The following VPS8 variants were observed in gnomAD, a reference collection of about 807,000 sequenced individuals.
The protein encoded by VPS8 is vacuolar protein sorting-associated protein 8 homolog.
In VPS8, 129 loss-of-function variants were observed where a neutral mutation model predicts 216.4. The ratio of observed to expected loss-of-function variants is 0.60; its 90% CI spans 0.52 to 0.69. The LOEUF is 0.69. Among genes scored for constraint, VPS8 ranks in the 30% least tolerant of loss-of-function variants. The probability of loss-of-function intolerance (pLI) is 0.00; values close to 1 mark genes in which losing one functional copy is unlikely to be tolerated. For synonymous variants in VPS8, 571 were observed against 565.4 expected (o/e 1.01, Z -0.14); for missense variants, 1,531 against 1,683.5 (o/e 0.91, Z 1.59).
intron 40 of VPS8, among the ~76,000 whole-genome samples, chr3:184,980,447 G>A (rs903455173): frequency 5.9e-5 from 9 of 151,474 alleles, no homozygotes; most frequent in African/African-American, 1.9e-4. Flanking sequence ...CCAAAGGTTT[G>A]GTGTCTTTAC....
chr3:184,862,203 T>G (rs1239353385), intron 15 of VPS8, among the ~76,000 whole-genome samples: 1 of 152,134 alleles, frequency 6.6e-6, no homozygotes, highest in Non-Finnish European at 1.5e-5. Flanking sequence ...TGAGCAGATT[T>G]TAAGATTTAT....
At chr3:184,829,993 C>T (rs1719646276) in intron 3 of VPS8, among the ~76,000 whole-genome samples, 1 of 152,114 alleles carries the variant, frequency 6.6e-6, no homozygotes. Flanking sequence ...TTTTGAGGAG[C>T]ACAAGTTCTT....
At chr3:184,944,572 A>G in intron 36 of VPS8, 1 of 985,418 alleles carries the variant, frequency 1.0e-6, no homozygotes, top group Non-Finnish European at 1.2e-6. Context: ...TGAGCTGCAT[A>G]AGGAGTAAAG....
At chr3:184,828,862 T>C (rs1307897864) in intron 3 of VPS8, among the ~76,000 whole-genome samples, 1 of 152,220 alleles carries the variant, frequency 6.6e-6, no homozygotes, top group Non-Finnish European at 1.5e-5. Flanking sequence ...CGAACATTAC[T>C]AGTACCCTAG....
intron 9 of VPS8, 132 bp from the exon 10 acceptor site, chr3:184,849,804 T>C (rs1407317328): frequency 1.4e-6 from 1 of 690,950 alleles, no homozygotes; most frequent in Non-Finnish European, 2.5e-6. Flanking sequence ...CCTTTAGGTA[T>C]GTTTTAACTT....
Position 184,929,683 on chromosome 3 carries a change from T to C in VPS8, c.2799+19T>C. On this transcript the variant is annotated intron_variant, in intron 33 of 47. Coordinates refer to ENST00000625842, the MANE Select transcript of VPS8 (RefSeq NM_001009921.3). The stretch of plus-strand genomic sequence containing the variant: ...GCGAGAGGTGAGTCAAGATACTGCT[T>C]TACTCTTTTTTCTTACTCAACTTTC... 7.2e-7 allele frequency: 1 copy of C among 1,397,742 alleles called. No individual in the cohort carries two copies. Among genetic ancestry groups the C allele is most frequent in the Non-Finnish European group, 9.6e-7 (1 of 1,043,148 alleles). The allele number at this position is 1,397,742 out of a possible 1,614,324, so 86.6% of individuals were successfully genotyped here.
chr3:184,877,252 C>A (rs1417354584), intron 21 of VPS8, among the ~76,000 whole-genome samples: 2 of 152,160 alleles, frequency 1.3e-5, no homozygotes, highest in African/African-American at 4.8e-5. Flanking sequence ...TGAAGTCACT[C>A]ATTCAATGTC....
intron 3 of VPS8, among the ~76,000 whole-genome samples, chr3:184,827,841 C>G (rs1345529418): frequency 6.6e-6 from 1 of 152,136 alleles, no homozygotes; most frequent in East Asian, 1.9e-4. Flanking sequence ...ATATGACTAT[C>G]TCTGTGCTTG....
chr3:184,826,347 T>C, intron 3 of VPS8, 116 bp downstream of exon 3: 1 of 594,450 alleles, frequency 1.7e-6, no homozygotes, highest in Non-Finnish European at 2.8e-6. Flanking sequence ...TAGCCACTAG[T>C]CGTGTGTGTC....
Position 184,839,768 on chromosome 3 carries a change from C to T in VPS8, c.535+16C>T. 2 of 1,581,440 alleles carry T rather than the reference C, an allele frequency of 1.3e-6. No homozygotes were observed. The highest frequency in any genetic ancestry group is 1.7e-6 in the Non-Finnish European group (2 of 1,161,862). On this transcript the variant is annotated intron_variant, in intron 7 of 47. Transcript: ENST00000625842. ...TTAATATTTGGTAAATTTTTAAGTG[C>T]TTTCCTGCTTTTAAATATTAAGTGT...
intron 45 of VPS8, among the ~76,000 whole-genome samples, chr3:185,002,916 A>G (rs1753607920): frequency 6.6e-6 from 1 of 152,156 alleles, no homozygotes; most frequent in African/African-American, 2.4e-5. Context: ...ACATGCATGT[A>G]CAAGTGTCTT....
At chr3:184,848,730 A>C (rs1201514020) in intron 8 of VPS8, among the ~76,000 whole-genome samples, 1 of 151,868 alleles carries the variant, frequency 6.6e-6, no homozygotes, top group Non-Finnish European at 1.5e-5. Context: ...CACCATGCCC[A>C]GCTAATTTTT....
intron 5 of VPS8, among the ~76,000 whole-genome samples, chr3:184,836,664 T>C (rs965410713): frequency 6.6e-6 from 1 of 152,192 alleles, no homozygotes; most frequent in Non-Finnish European, 1.5e-5. Context: ...TTAAATTGCA[T>C]GCTTTCCTGT....
chr3:184,825,333 G>A (rs1718524013), intron 2 of VPS8, among the ~76,000 whole-genome samples: 1 of 152,146 alleles, frequency 6.6e-6, no homozygotes, highest in Non-Finnish European at 1.5e-5. Context: ...ACTTCTCAAA[G>A]TCACAGAGCC....
chr3:184,838,192 G>A (rs1721477488), intron 5 of VPS8, among the ~76,000 whole-genome samples: 1 of 152,184 alleles, frequency 6.6e-6, no homozygotes, highest in African/African-American at 2.4e-5. Context: ...GTAGTTACCG[G>A]TAAGGAGCTG....
At chr3:184,956,609 T>C (rs1745646609) in intron 36 of VPS8, among the ~76,000 whole-genome samples, 1 of 152,214 alleles carries the variant, frequency 6.6e-6, no homozygotes, top group African/African-American at 2.4e-5. Context: ...AGGATGATTC[T>C]TAGGTCTCCA....
At chr3:184,973,537 T>C (rs1257408802) in intron 40 of VPS8, among the ~76,000 whole-genome samples, 5 of 152,230 alleles carry the variant, frequency 3.3e-5, no homozygotes, top group Non-Finnish European at 7.4e-5. Flanking sequence ...CAAACATTTA[T>C]CATTTCTTTG....
At chr3:184,974,574 T>C (rs1304304871) in intron 40 of VPS8, among the ~76,000 whole-genome samples, 1 of 152,130 alleles carries the variant, frequency 6.6e-6, no homozygotes, top group Non-Finnish European at 1.5e-5. Context: ...ATGCTACTTG[T>C]CTATTTTTTT....
chr3:184,952,871 T>C (rs1463346591), intron 36 of VPS8, among the ~76,000 whole-genome samples: 1 of 152,198 alleles, frequency 6.6e-6, no homozygotes, highest in Non-Finnish European at 1.5e-5. Flanking sequence ...AGCTGTCACA[T>C]TGAAACAGCA....
Sources: gnomAD v4.1 joint callset for allele counts (sites outside exome capture counted in the v4.1 genomes callset) on GRCh38, gnomAD v4.1.1 for gene constraint, MANE v1.5 for transcripts, NCBI Gene and HGNC (gene_info 2026-07-23, HGNC 2026-07-21) for gene names.